The following ZGRF1 variants were observed in gnomAD, a reference collection of about 807,000 sequenced individuals.
ZGRF1 encodes the protein zinc finger GRF-type containing 1.
ZGRF1 carries 196 observed loss-of-function variants against 203.5 expected under a neutral mutation model. The ratio of observed to expected loss-of-function variants is 0.96; its 90% CI spans 0.86 to 1.08. The LOEUF (loss-of-function observed/expected upper bound fraction) is 1.08. Among genes scored for constraint, ZGRF1 ranks in the 50% least tolerant of loss-of-function variants. The probability of loss-of-function intolerance (pLI) is 0.00; values close to 1 mark genes in which losing one functional copy is unlikely to be tolerated. For synonymous variants in ZGRF1, 809 were observed against 841.3 expected (o/e 0.96, Z 0.66); for missense variants, 2,326 against 2,416.3 (o/e 0.96, Z 0.78).
chr4:112,556,219 G>T (rs916736818), intron 20 of ZGRF1, among the ~76,000 whole-genome samples: 1 of 152,022 alleles, frequency 6.6e-6, no homozygotes, highest in Admixed American at 6.6e-5. Flanking sequence ...CTAGACTTAG[G>T]ATTATTTTCC....
In ZGRF1 at chr4:112,584,092, T is replaced by C; in HGVS notation, c.4184A>G (p.Tyr1395Cys). 3 of 1,613,492 alleles carry C rather than the reference T, an allele frequency of 1.9e-6. No homozygotes were observed. The highest frequency in any genetic ancestry group is 2.5e-6 in the Non-Finnish European group (3 of 1,179,504). The change falls in exon 15 of 28, where the codon TAT (tyrosine) becomes TGT (cysteine). Residue 1395 changes from tyrosine to cysteine, a missense_variant. By Grantham distance (194) the Tyr-to-Cys change is radical. Coordinates refer to ENST00000505019, the MANE Select transcript of ZGRF1 (RefSeq NM_018392.5). ...FKWLEDVTPG[Y>C]STQEGARPGM... ...AGGTCGAGCTCCTTCCTGTGTTGAA[T>C]ATCCTGGAGTCACGTCCTCAAGCCA...
At position 112,585,726 on chromosome 4, in the gene ZGRF1, C is replaced by G; in HGVS notation, c.3917-1G>C. On this transcript the variant is annotated splice_acceptor_variant, in intron 13 of 27. Coordinates refer to ENST00000505019, the MANE Select transcript of ZGRF1 (RefSeq NM_018392.5). LOFTEE classifies it high-confidence loss of function. ...CCAAACAGCAATATATTTAGATGTT[C>G]TACAAAAAAAAAAAAAAGAGAGCAG... 7.3e-7 allele frequency: 1 copy of G among 1,372,576 alleles called. No individual in the cohort carries two copies. Among genetic ancestry groups the G allele is most frequent in the Admixed American group, 2.8e-5 (1 of 35,428 alleles). The allele number at this position is 1,372,576 out of a possible 1,614,324, so 85.0% of individuals were successfully genotyped here.
intron 26 of ZGRF1, 37 bp downstream of exon 26, chr4:112,540,784 T>G: frequency 1.3e-6 from 2 of 1,494,324 alleles, no homozygotes; most frequent in Non-Finnish European, 1.8e-6. Context: ...ATTGTAATAT[T>G]TAATATATGG....
intron 9 of ZGRF1, 52 bp from the exon 10 acceptor site, chr4:112,603,749 A>AG: frequency 2.2e-6 from 3 of 1,375,896 alleles, no homozygotes; most frequent in Non-Finnish European, 3.0e-6. Context: ...GTTGACATAT[A>AG]TATTCACAAA....
intron 16 of ZGRF1, among the ~76,000 whole-genome samples, chr4:112,576,277 T>C (rs1473849351): frequency 6.6e-6 from 1 of 152,160 alleles, no homozygotes; most frequent in Non-Finnish European, 1.5e-5. Flanking sequence ...ACCCCATCTG[T>C]ACGTCACCAT....
Position 112,603,617 on chromosome 4 carries a change from T to C in ZGRF1, c.2883A>G (p.Gly961=). 1 of 1,613,964 alleles carries C rather than the reference T, an allele frequency of 6.2e-7. No homozygotes were observed. Among genetic ancestry groups the C allele is most frequent in the Non-Finnish European group, 8.5e-7 (1 of 1,179,838 alleles). ...VMVRGHSSQL[G]CSQFPDSTEY... ...CAGTGCTATCTGGAAACTGACTGCA[T>C]CCTAGCTGTGAGCTGTGTCCTCTGA... Residue 961 remains glycine (G), a synonymous_variant, in exon 10 of 28, where the codon GGA becomes GGG. Coordinates refer to ENST00000505019, the MANE Select transcript of ZGRF1 (RefSeq NM_018392.5).
chr4:112,589,552 T>C, intron 11 of ZGRF1, 172 bp downstream of exon 11: 1 of 604,392 alleles, frequency 1.7e-6, no homozygotes. Context: ...ATATTGTACC[T>C]GGAATAGCTA....
chr4:112,560,500 T>C (rs1396483307), intron 19 of ZGRF1, among the ~76,000 whole-genome samples: 1 of 152,220 alleles, frequency 6.6e-6, no homozygotes, highest in Non-Finnish European at 1.5e-5. Context: ...TCTGGATACT[T>C]TGACCATAAG....
At chr4:112,547,242 G>A (rs1738982300) in intron 24 of ZGRF1, 43 bp downstream of exon 24, 1 of 1,573,594 alleles carries the variant, frequency 6.4e-7, no homozygotes, top group East Asian at 2.2e-5. Flanking sequence ...ACACAATGTA[G>A]AATCAATAAA....
chr4:112,541,539 T>G (rs547924315), intron 24 of ZGRF1, among the ~76,000 whole-genome samples: 143 of 139,818 alleles, frequency 1.0e-3, no homozygotes, highest in Non-Finnish European at 1.9e-3. Flanking sequence ...GTTTTGTTTT[T>G]TTTTTTTTTG....
intron 24 of ZGRF1, among the ~76,000 whole-genome samples, chr4:112,541,779 G>A (rs1429513272): frequency 2.6e-5 from 4 of 151,692 alleles, no homozygotes; most frequent in African/African-American, 9.7e-5. Flanking sequence ...CACCTGCCTT[G>A]GCCTCCCAAA....
In ZGRF1 at chr4:112,581,812, G is replaced by A; in HGVS notation, c.4299-10C>T. 7.7e-7 allele frequency: 1 copy of A among 1,292,934 alleles called. No homozygotes were observed. The highest frequency in any genetic ancestry group is 1.0e-6 in the Non-Finnish European group (1 of 973,120). 80.1% of individuals were successfully genotyped at this position (1,292,934 alleles called of 1,614,324 possible). On this transcript the variant is annotated splice_polypyrimidine_tract_variant and intron_variant, in intron 15 of 27. Transcript: ENST00000505019. ...AAAATCAAATCCTTTTCTGAAAAGG[G>A]AATAAAAAATAAAAATGAATTGTAA...
intron 26 of ZGRF1, 44 bp downstream of exon 26, chr4:112,540,777 G>A (rs1323441737): frequency 4.1e-6 from 6 of 1,451,484 alleles, no homozygotes; most frequent in East Asian, 2.5e-5. Flanking sequence ...ATATGTAATT[G>A]TAATATTTAA....
At position 112,597,616 on chromosome 4, in the gene ZGRF1, C is replaced by A. The variant is rs112666259; in HGVS notation, c.2976+5908G>T. ...ACAAAGAAGTGGGCACAGTGGTTCA[C>A]TCCTGTAATCCCAGCACTTTTGGAG... On this transcript the variant is annotated intron_variant, in intron 10 of 27. Coordinates refer to ENST00000505019, the MANE Select transcript of ZGRF1 (RefSeq NM_018392.5). 9.6e-3 allele frequency among the ~76,000 whole-genome samples: 1,467 copies of A among 152,108 alleles called. 21 individuals are homozygous for A. The highest frequency in any genetic ancestry group is 0.034 in the African/African-American group (1,407 of 41,460).
chr4:112,585,957 G>A (rs1319852519), intron 13 of ZGRF1, among the ~76,000 whole-genome samples: 1 of 151,856 alleles, frequency 6.6e-6, no homozygotes, highest in Non-Finnish European at 1.5e-5. Flanking sequence ...GATAATACTG[G>A]CCAAGTGTGG....
intron 3 of ZGRF1, among the ~76,000 whole-genome samples, chr4:112,627,257 C>A (rs2149197756): frequency 6.6e-6 from 1 of 152,294 alleles, no homozygotes; most frequent in African/African-American, 2.4e-5. Context: ...TATCCAAGAT[C>A]TAAGAGGCTA....
chr4:112,636,494 A>ATGTTGG (rs1299383023), intron 1 of ZGRF1, among the ~76,000 whole-genome samples: 1 of 152,174 alleles, frequency 6.6e-6, no homozygotes, highest in African/African-American at 2.4e-5. Context: ...ATTGTTAACA[A>ATGTTGG]ACCATCCAGT....
intron 16 of ZGRF1, among the ~76,000 whole-genome samples, chr4:112,578,783 C>T (rs1578341121): frequency 8.1e-6 from 1 of 122,792 alleles, no homozygotes; most frequent in Admixed American, 9.2e-5. Flanking sequence ...TCATTAATAG[C>T]CTACCAACCA....
intron 16 of ZGRF1, among the ~76,000 whole-genome samples, chr4:112,564,568 C>T (rs74416615): frequency 0.014 from 2,118 of 152,080 alleles, 16 homozygotes; most frequent in Middle Eastern, 0.044. Flanking sequence ...CATTTCACAA[C>T]GGTAACCTAT....
Sources: gnomAD v4.1 joint callset for allele counts (sites outside exome capture counted in the v4.1 genomes callset) on GRCh38, gnomAD v4.1.1 for gene constraint, MANE v1.5 for transcripts, NCBI Gene and HGNC (gene_info 2026-07-23, HGNC 2026-07-21) for gene names.